Variants in NRXN3 observed in about 807,000 individuals in gnomAD.
NRXN3 encodes the protein neurexin 3, also known as neurexin III.
In NRXN3, 32 loss-of-function variants were observed where a neutral mutation model predicts 137.6. The observed-to-expected ratio is 0.23, with a 90% CI of 0.18 to 0.31. The LOEUF is 0.31. NRXN3 is among the 10% of genes least tolerant of loss of function. The probability of loss-of-function intolerance (pLI) is 1.00; values close to 1 mark genes in which losing one functional copy is unlikely to be tolerated. For synonymous variants in NRXN3, 798 were observed against 784.5 expected (o/e 1.02, Z -0.29); for missense variants, 1,574 against 2,062.5 (o/e 0.76, Z 4.59).
At chr14:79,648,792 T>C (rs2098462851) in intron 16 of NRXN3, among the ~76,000 whole-genome samples, 1 of 152,118 alleles carries the variant, frequency 6.6e-6, no homozygotes. Flanking sequence ...GTGCTTTCTC[T>C]GGATAGATCT....
chr14:78,715,747 C>A (rs2098428750), intron 8 of NRXN3, among the ~76,000 whole-genome samples: 1 of 152,142 alleles, frequency 6.6e-6, no homozygotes, highest in African/African-American at 2.4e-5. Context: ...TGAAACTTGA[C>A]TTCCTCATTT....
chr14:78,645,394 T>C lies in NRXN3; in HGVS notation c.1032T>C (p.Asp344=), dbSNP rs753638628. 8.2e-6 allele frequency: 13 copies of C among 1,591,708 alleles called. No homozygotes were observed. The highest frequency in any genetic ancestry group is 2.2e-5 in the East Asian group (1 of 44,670). Residue 344 remains aspartate (D), a synonymous_variant, in exon 5 of 21, where the codon GAT becomes GAC. Coordinates refer to ENST00000335750, the MANE Select transcript of NRXN3 (RefSeq NM_001330195.2). ...AATTCAACGACAACGCCTGGCATGA[T>C]GTCAAAGTGACACGCAACCTCCGGC... ...NGKFNDNAWH[D]VKVTRNLRQV...
intron 16 of NRXN3, among the ~76,000 whole-genome samples, chr14:79,569,695 G>A (rs996453564): frequency 3.3e-5 from 5 of 151,608 alleles, no homozygotes; most frequent in Admixed American, 6.6e-5. Flanking sequence ...TGCAACCTCC[G>A]TCTCCCGGGT....
intron 6 of NRXN3, among the ~76,000 whole-genome samples, chr14:78,667,007 GTTC>G (rs1187980446): frequency 2.0e-5 from 3 of 151,970 alleles, no homozygotes; most frequent in African/African-American, 4.8e-5. Context: ...TGTTTATTTG[GTTC>G]TTCTAGCCAA....
intron 15 of NRXN3, among the ~76,000 whole-genome samples, chr14:79,014,748 A>T (rs1240783419): frequency 1.3e-5 from 2 of 152,116 alleles, no homozygotes; most frequent in East Asian, 3.9e-4. Flanking sequence ...GAGTTTCCAG[A>T]GTTCTTGTGA....
intron 15 of NRXN3, among the ~76,000 whole-genome samples, chr14:79,132,134 G>A (rs1015218616): frequency 4.6e-5 from 7 of 152,216 alleles, no homozygotes; most frequent in South Asian, 2.1e-4. Flanking sequence ...GAAATTACCC[G>A]TCTTCTGCGT....
intron 15 of NRXN3, among the ~76,000 whole-genome samples, chr14:79,129,951 T>C (rs1362345838): frequency 6.6e-6 from 1 of 150,472 alleles, no homozygotes; most frequent in Non-Finnish European, 1.5e-5. Flanking sequence ...TTTGTCTCTT[T>C]TGATTTTTGT....
intron 1 of NRXN3, among the ~76,000 whole-genome samples, chr14:78,229,028 G>T (rs2065040621): frequency 6.6e-6 from 1 of 152,160 alleles, no homozygotes; most frequent in Non-Finnish European, 1.5e-5. Flanking sequence ...TTGCACATTT[G>T]TGCAAATGAC....
At chr14:79,133,380 C>T (rs796296634) in intron 15 of NRXN3, among the ~76,000 whole-genome samples, 6 of 152,058 alleles carry the variant, frequency 3.9e-5, no homozygotes, top group African/African-American at 1.4e-4. Flanking sequence ...CTGACTTGAG[C>T]CCAGCCGTAA....
chr14:78,667,986 C>T (rs1328703688), intron 6 of NRXN3, among the ~76,000 whole-genome samples: 1 of 152,104 alleles, frequency 6.6e-6, no homozygotes, highest in African/African-American at 2.4e-5. Context: ...GGATTTCACC[C>T]TGTTGACCAG....
chr14:78,605,093 C>A (rs981641147), intron 4 of NRXN3, among the ~76,000 whole-genome samples: 1 of 152,130 alleles, frequency 6.6e-6, no homozygotes, highest in Non-Finnish European at 1.5e-5. Flanking sequence ...CAAAGGATTT[C>A]GATTTTTTTT....
Position 79,686,790 on chromosome 14 carries a change from T to C in NRXN3, c.3617-5383T>C, listed in dbSNP as rs541462142. Among the ~76,000 whole-genome samples the C allele has an allele frequency of 1.8e-4, 27 of 152,236 alleles. 1 individual carries two copies. The highest frequency in any genetic ancestry group is 3.7e-4 in the Non-Finnish European group (25 of 68,004). On this transcript the variant is annotated intron_variant, in intron 17 of 20. Transcript: ENST00000335750. ...GCACAGCCTAGAGTTGGTAAACCCA[T>C]ACTACAACTTTAATTTAGGAAGGAA...
chr14:78,597,136 C>T (rs1566847310), intron 4 of NRXN3, among the ~76,000 whole-genome samples: 1 of 152,174 alleles, frequency 6.6e-6, no homozygotes, highest in Non-Finnish European at 1.5e-5. Flanking sequence ...GGCCAGCATA[C>T]TGCTGGAGAA....
chr14:79,811,078 AATC>A (rs2140837200), intron 20 of NRXN3, among the ~76,000 whole-genome samples: 1 of 152,328 alleles, frequency 6.6e-6, no homozygotes, highest in African/African-American at 2.4e-5. Flanking sequence ...TAGCAAATAG[AATC>A]ATGTTAAAAT....
chr14:78,662,891 A>G (rs575229792), intron 6 of NRXN3, among the ~76,000 whole-genome samples: 1 of 152,310 alleles, frequency 6.6e-6, no homozygotes, highest in East Asian at 1.9e-4. Context: ...CATCTCGAAA[A>G]CCGTTACAAC....
chr14:79,168,846 A>G (rs141455827), intron 15 of NRXN3, among the ~76,000 whole-genome samples: 1 of 152,206 alleles, frequency 6.6e-6, no homozygotes, highest in African/African-American at 2.4e-5. Context: ...CTAAATTTAT[A>G]GTATGTGGTA....
At chr14:79,407,076 C>T (rs2095328418) in intron 15 of NRXN3, among the ~76,000 whole-genome samples, 1 of 152,246 alleles carries the variant, frequency 6.6e-6, no homozygotes, top group Middle Eastern at 3.4e-3. Flanking sequence ...TAATGACTCT[C>T]CTTGGGGTTT....
intron 15 of NRXN3, among the ~76,000 whole-genome samples, chr14:79,205,228 G>A (rs1272704220): frequency 6.6e-6 from 1 of 152,136 alleles, no homozygotes; most frequent in Non-Finnish European, 1.5e-5. Flanking sequence ...TGTAGCTTGG[G>A]AACCGAATTT....
intron 15 of NRXN3, among the ~76,000 whole-genome samples, chr14:79,147,560 T>C (rs1321227047): frequency 1.3e-5 from 2 of 152,128 alleles, no homozygotes; most frequent in Non-Finnish European, 2.9e-5. Context: ...GAGTGATTGT[T>C]AGGAATCTTT....
Sources: gnomAD v4.1 joint callset for allele counts (sites outside exome capture counted in the v4.1 genomes callset) on GRCh38, gnomAD v4.1.1 for gene constraint, MANE v1.5 for transcripts, NCBI Gene and HGNC (gene_info 2026-07-23, HGNC 2026-07-21) for gene names.